ADAMTS5: variants seen among roughly 807,000 people sequenced by gnomAD.
The protein encoded by ADAMTS5 is ADAM metallopeptidase with thrombospondin type 1 motif 5.
ADAMTS5 carries 54 observed loss-of-function variants against 81.4 expected under a neutral mutation model. The ratio of observed to expected loss-of-function variants is 0.66; its 90% confidence interval spans 0.53 to 0.83. ADAMTS5 has a LOEUF of 0.83. Among genes scored for constraint, ADAMTS5 ranks in the 40% least tolerant of loss-of-function variants. The pLI is 0.00. For missense variants in ADAMTS5, 1,194 were observed against 1,229.9 expected, an observed-to-expected ratio of 0.97 and a Z score of 0.44; for synonymous variants, 532 against 508.8, an observed-to-expected ratio of 1.05 and a Z score of -0.61.
At chr21:26,961,947 G>A (rs2047257045) in intron 1 of ADAMTS5, among the ~76,000 whole-genome samples, 1 of 152,130 alleles carries the variant, frequency 6.6e-6, no homozygotes, top group Non-Finnish European at 1.5e-5. Flanking sequence ...TGCCGTGTGG[G>A]GAGACCCGGT....
Position 26,924,534 on chromosome 21 carries a change from A to C in ADAMTS5, c.2312T>G (p.Phe771Cys). 1.2e-6 allele frequency: 2 copies of C among 1,614,142 alleles called. No homozygotes were observed. The highest frequency in any genetic ancestry group is 1.7e-6 in the Non-Finnish European group (2 of 1,180,024). ...RQFKAKDQTR[F>C]TAYLALKKKN... ...CTTTTTCAGGGCTAAATAGGCAGTG[A>C]ATCTAGTCTGGTCTTTGGCTTTGAA... Residue 771 changes from phenylalanine to cysteine, a missense_variant, in exon 8 of 8, where the codon TTC becomes TGC. By Grantham distance (205) the Phe-to-Cys change is radical. This residue lies in a region of ADAMTS5 where 696 missense variants were observed against 817.6 expected (regional missense o/e 0.85). Transcript: ENST00000284987.
rs1986740853 is a variant in ADAMTS5, at chr21:26,923,534, C to G, written c.*519G>C. ...AATTTCCAGTAAAATATCCACAGCT[C>G]TTTCTGGAAACGGAAGGAAGTTGAA... is the stretch of plus-strand genomic sequence containing the variant. On this transcript the variant is annotated 3_prime_UTR_variant, in exon 8 of 8. Coordinates refer to ENST00000284987, the MANE Select transcript of ADAMTS5 (RefSeq NM_007038.5). 1 of 152,750 alleles carries G rather than the reference C, an allele frequency of 6.5e-6. No homozygotes were observed. The allele number at this position is 152,750 out of a possible 1,614,324, so 9.5% of individuals were successfully genotyped here. A position where few individuals can be genotyped will look rare whatever the true frequency, so the allele number is the denominator to read the frequency against.
intron 2 of ADAMTS5, among the ~76,000 whole-genome samples, chr21:26,946,157 T>C (rs185470259): frequency 5.3e-4 from 80 of 152,192 alleles, no homozygotes; most frequent in Non-Finnish European, 9.0e-4. Flanking sequence ...CTTCAGGAGC[T>C]GGACAGGATA....
intron 2 of ADAMTS5, among the ~76,000 whole-genome samples, chr21:26,944,052 A>G (rs1293839557): frequency 6.6e-6 from 1 of 152,170 alleles, no homozygotes; most frequent in Non-Finnish European, 1.5e-5. Context: ...TTATTTTCTT[A>G]GTCAAGTAAA....
At position 26,924,454 on chromosome 21, in the gene ADAMTS5, T is replaced by C; in HGVS notation, c.2392A>G (p.Ile798Val). The C allele has an allele frequency of 6.2e-7, 1 of 1,614,242 alleles. No homozygotes were observed. Among genetic ancestry groups the C allele is most frequent in the Non-Finnish European group, 8.5e-7 (1 of 1,180,044 alleles). ...ATGACTGTTCCATTGATGTCAATGA[T>C]AGTCTCTGAAGTGGAGATCATGTAC... ...GKYMISTSET[I>V]IDINGTVMNY... The change falls in exon 8 of 8, where the codon ATC (isoleucine) becomes GTC (valine). Residue 798 changes from isoleucine (I) to valine (V), a missense_variant. This residue lies in a region of ADAMTS5 where 696 missense variants were observed against 817.6 expected (regional missense o/e 0.85). Transcript: ENST00000284987.
chr21:26,947,306 G>C (rs1056706961), intron 2 of ADAMTS5, among the ~76,000 whole-genome samples: 4 of 152,128 alleles, frequency 2.6e-5, no homozygotes, highest in Non-Finnish European at 5.9e-5. Context: ...TGCTAAATAG[G>C]GTTTTAACTG....
Position 26,965,883 on chromosome 21 carries a change from C to T in ADAMTS5, c.509G>A (p.Arg170His), listed in dbSNP as rs1214733599. ...HARYTLKPLL[R>H]GPWAEEEKGR... ...CTTTTCTTCCTCCGCCCAGGGTCCGCGCAGCAGTGGCTTTAGGGTGTAGCG... is the reference window on the plus strand; with the variant it reads ...CTTTTCTTCCTCCGCCCAGGGTCCGTGCAGCAGTGGCTTTAGGGTGTAGCG... The change falls in exon 1 of 8, where the codon CGC becomes CAC. Residue 170 changes from arginine to histidine, a missense_variant. Physicochemically the swap from Arg to His is conservative, Grantham distance 29. Around this residue, in one of 2 missense-constraint regions of ADAMTS5, gnomAD observed 498 missense variants for 412.3 expected, o/e 1.21. Coordinates refer to ENST00000284987, the MANE Select transcript of ADAMTS5 (RefSeq NM_007038.5). 1.2e-6 allele frequency: 2 copies of T among 1,613,748 alleles called. No individual in the cohort carries two copies. The highest frequency in any genetic ancestry group is 1.7e-6 in the Non-Finnish European group (2 of 1,179,936).
At chr21:26,938,037 C>A (rs1359952828) in intron 3 of ADAMTS5, among the ~76,000 whole-genome samples, 1 of 151,970 alleles carries the variant, frequency 6.6e-6, no homozygotes, top group Non-Finnish European at 1.5e-5. Flanking sequence ...GTCAAGAGTT[C>A]GCGACCAGCC....
intron 2 of ADAMTS5, among the ~76,000 whole-genome samples, chr21:26,945,074 T>C (rs1468369817): frequency 6.6e-6 from 1 of 152,068 alleles, no homozygotes; most frequent in East Asian, 1.9e-4. Flanking sequence ...CCCAAATAAC[T>C]TGCAAAGGAA....
At chr21:26,956,667 T>TA (rs932292769) in intron 1 of ADAMTS5, among the ~76,000 whole-genome samples, 3 of 152,262 alleles carry the variant, frequency 2.0e-5, no homozygotes, top group African/African-American at 4.8e-5. Context: ...ACATTTTTTT[T>TA]AAAACAAGAT....
chr21:26,924,190 C>T lies in ADAMTS5; in HGVS notation c.2656G>A (p.Ala886Thr), dbSNP rs775391971. Residue 886 changes from alanine (A) to threonine (T), a missense_variant, in exon 8 of 8, where the codon GCC becomes ACC. Around this residue, in one of 2 missense-constraint regions of ADAMTS5, gnomAD observed 696 missense variants for 817.6 expected, o/e 0.85. Transcript: ENST00000284987. ...CCTGTGTCACAGGTCCTAGAGCAGG[C>T]GAGCCATGGGCCCGTGACCCACTGC... ...QPQWVTGPWL[A>T]CSRTCDTGWH... is the part of the protein sequence containing the mutation. 15 of 1,614,040 alleles carry T rather than the reference C, an allele frequency of 9.3e-6. No individual in the cohort carries two copies. Among genetic ancestry groups the T allele is most frequent in the Middle Eastern group, 1.6e-4 (1 of 6,084 alleles).
intron 2 of ADAMTS5, 131 bp from the exon 3 acceptor site, chr21:26,943,678 A>G (rs1987159017): frequency 2.5e-6 from 2 of 787,290 alleles, no homozygotes; most frequent in African/African-American, 1.8e-5. Flanking sequence ...TTTCTCACCC[A>G]GAGACTGGAC....
rs1986874401 is a variant in ADAMTS5 at position 26,929,928 on chromosome 21, T to C, written c.2183A>G (p.Asn728Ser). The change falls in exon 7 of 8, where the codon AAC becomes AGC. Residue 728 changes from asparagine (N) to serine (S), a missense_variant. By Grantham distance (46) the Asn-to-Ser change is conservative. Transcript: ENST00000284987. ...TCCAACAATCTTTGTACAGCTGGAGTTGTCTCCTCCACATACTCCGCACTT... is the reference window on the plus strand; with the variant it reads ...TCCAACAATCTTTGTACAGCTGGAGCTGTCTCCTCCACATACTCCGCACTT... ...YDKCGVCGGDNSSCTKIVGTF... is the reference protein window; with the variant it reads ...YDKCGVCGGDSSSCTKIVGTF... The C allele has an allele frequency of 6.2e-7, 1 of 1,613,876 alleles. No individual in the cohort carries two copies.
chr21:26,956,659 A>ATT, intron 1 of ADAMTS5, among the ~76,000 whole-genome samples: 1 of 151,872 alleles, frequency 6.6e-6, no homozygotes, highest in South Asian at 2.1e-4. Context: ...ATCTGCACAC[A>ATT]TTTTTTTTAA....
chr21:26,930,339 G>A (rs1187981388), intron 6 of ADAMTS5, among the ~76,000 whole-genome samples: 3 of 152,110 alleles, frequency 2.0e-5, no homozygotes, highest in Admixed American at 6.5e-5. Context: ...ACTCATCTTC[G>A]TTTTTGTATG....
At chr21:26,948,147 T>G (rs1001993402) in intron 2 of ADAMTS5, among the ~76,000 whole-genome samples, 1 of 152,244 alleles carries the variant, frequency 6.6e-6, no homozygotes. Flanking sequence ...AAATCTGTGA[T>G]AATGTGTAGC....
In ADAMTS5 at chr21:26,965,989, T is replaced by A; in HGVS notation, c.403A>T (p.Thr135Ser). Residue 135 changes from threonine (T) to serine (S), a missense_variant, in exon 1 of 8, where the codon ACA becomes TCA. This residue lies in a region of ADAMTS5 where 498 missense variants were observed against 412.3 expected (regional missense o/e 1.21). Coordinates refer to ENST00000284987, the MANE Select transcript of ADAMTS5 (RefSeq NM_007038.5). ...RHRSHCFYRGTVDGSPRSLAV... is the reference protein window; with the variant it reads ...RHRSHCFYRGSVDGSPRSLAV... ...AGAGAGCGGGGACTACCGTCCACTG[T>A]GCCCCGATAGAAGCAGTGGCTCCGG... The A allele has an allele frequency of 1.2e-6, 2 of 1,613,244 alleles. No homozygotes were observed. Among genetic ancestry groups the A allele is most frequent in the Non-Finnish European group, 1.7e-6 (2 of 1,179,850 alleles).
Position 26,966,238 on chromosome 21 carries a change from G to T in ADAMTS5, c.154C>A (p.Gln52Lys). 6.2e-7 allele frequency: 1 copy of T among 1,602,058 alleles called. No individual in the cohort carries two copies. The highest frequency in any genetic ancestry group is 8.5e-7 in the Non-Finnish European group (1 of 1,176,100). Reference protein sequence around the residue: ...QPRRRQGEEVQERAEPPGHPH... With the variant: ...QPRRRQGEEVKERAEPPGHPH... ...TGGCCGGGAGGCTCGGCTCGCTCCTGCACCTCCTCCCCCTGCCGCCGGCGG... is the reference window on the plus strand; with the variant it reads ...TGGCCGGGAGGCTCGGCTCGCTCCTTCACCTCCTCCCCCTGCCGCCGGCGG... Residue 52 changes from glutamine to lysine, a missense_variant, in exon 1 of 8, where the codon CAG (glutamine) becomes AAG (lysine). Physicochemically the swap from Gln to Lys is moderately conservative, Grantham distance 53. Transcript: ENST00000284987.
rs1468762334 is a variant in ADAMTS5 at position 26,924,685 on chromosome 21, TA to T, written c.2226-66del. On this transcript the variant is annotated intron_variant, in intron 7 of 7. Coordinates refer to ENST00000284987, the MANE Select transcript of ADAMTS5 (RefSeq NM_007038.5). ...TTAAAAAAAGGGAGAAAAAAATGAG[TA>T]AACACTTAACAAATAAATACACAAA... 8 of 1,278,626 alleles carry T rather than the reference TA, an allele frequency of 6.3e-6. No individual in the cohort carries two copies. In the Admixed American group the frequency reaches 1.8e-4, roughly 28 times the overall value. 79.2% of individuals were successfully genotyped at this position (1,278,626 alleles called of 1,614,324 possible).
Sources: gnomAD v4.1 joint callset for allele counts (sites outside exome capture counted in the v4.1 genomes callset) on GRCh38, gnomAD v4.1.1 for gene constraint, gnomAD v4.1.1 regional missense constraint, MANE v1.5 for transcripts, NCBI Gene and HGNC (gene_info 2026-07-23, HGNC 2026-07-21) for gene names.